CBFA2T2: variants seen among roughly 807,000 people sequenced by gnomAD.
CBFA2T2 encodes protein CBFA2T2.
A neutral mutation model predicts 62.2 loss-of-function variants in CBFA2T2; 11 were observed. The observed-to-expected ratio is 0.18, with a 90% CI of 0.11 to 0.29. CBFA2T2 has a LOEUF of 0.29. CBFA2T2 is among the 10% of genes least tolerant of loss of function. The pLI is 1.00. For missense variants in CBFA2T2, 592 were observed against 774.1 expected (o/e 0.76, Z 2.79); for synonymous variants, 295 against 287.5 (o/e 1.03, Z -0.27).
chr20:33,528,341 A>G (rs528254206), intron 1 of CBFA2T2, among the ~76,000 whole-genome samples: 34 of 152,356 alleles, frequency 2.2e-4, no homozygotes, highest in African/African-American at 6.7e-4. Context: ...ATGAGGACAT[A>G]TGAGTAGAAT....
chr20:33,580,168 T>G (rs1208723334), intron 1 of CBFA2T2, among the ~76,000 whole-genome samples: 1 of 152,104 alleles, frequency 6.6e-6, no homozygotes, highest in Non-Finnish European at 1.5e-5. Flanking sequence ...TTTTAAAAAC[T>G]TTTACAAAAT....
At chr20:33,636,226 T>C in intron 8 of CBFA2T2, among the ~76,000 whole-genome samples, 1 of 131,808 alleles carries the variant, frequency 7.6e-6, no homozygotes, top group African/African-American at 3.0e-5. Flanking sequence ...ACCACTGCAC[T>C]CCAGCCTGGG....
At chr20:33,559,410 G>C (rs2146891121) in intron 1 of CBFA2T2, among the ~76,000 whole-genome samples, 1 of 152,126 alleles carries the variant, frequency 6.6e-6, no homozygotes, top group East Asian at 1.9e-4. Flanking sequence ...CTGACCTGAG[G>C]CGATCTGCCC....
At chr20:33,545,025 T>TAGAATAGAATAGAATA (rs762408143) in intron 1 of CBFA2T2, among the ~76,000 whole-genome samples, 1 of 134,040 alleles carries the variant, frequency 7.5e-6, no homozygotes, top group Non-Finnish European at 1.5e-5. Context: ...CAGAACAGAA[T>TAGAATAGAATAGAATA]GCAAGGTAGA....
At chr20:33,642,120 G>T (rs1025606313) in intron 10 of CBFA2T2, among the ~76,000 whole-genome samples, 1,279 of 31,996 alleles carry the variant, frequency 0.04, 6 homozygotes, top group South Asian at 0.12. Flanking sequence ...TTTTTTTTGT[G>T]TGTGTGTGTG....
chr20:33,521,568 A>T (rs919889824), intron 1 of CBFA2T2, among the ~76,000 whole-genome samples: 1 of 152,194 alleles, frequency 6.6e-6, no homozygotes, highest in Non-Finnish European at 1.5e-5. Flanking sequence ...TACAGCTAAC[A>T]TTGTTCTAAT....
intron 1 of CBFA2T2, among the ~76,000 whole-genome samples, chr20:33,566,234 T>G (rs910372757): frequency 6.6e-6 from 1 of 152,170 alleles, no homozygotes; most frequent in Admixed American, 6.5e-5. Flanking sequence ...ACGAATGTTA[T>G]TTTGAATTGC....
At chr20:33,582,605 G>A (rs1379292865) in intron 1 of CBFA2T2, among the ~76,000 whole-genome samples, 5 of 152,218 alleles carry the variant, frequency 3.3e-5, no homozygotes, top group Admixed American at 3.3e-4. Context: ...AAGATCACTT[G>A]AGGCCAGGAG....
At chr20:33,624,236 T>TAAAAAAAAAA (rs373462820) in intron 5 of CBFA2T2, among the ~76,000 whole-genome samples, 1 of 70,054 alleles carries the variant, frequency 1.4e-5, no homozygotes, top group African/African-American at 4.3e-5. Flanking sequence ...TTTTTAAAAG[T>TAAAAAAAAAA]AAAAAAAAAA....
chr20:33,564,788 C>G (rs1193437411), intron 1 of CBFA2T2, among the ~76,000 whole-genome samples: 1 of 151,924 alleles, frequency 6.6e-6, no homozygotes, highest in Admixed American at 6.6e-5. Context: ...CCATGTTGCC[C>G]AGGCTTGTCT....
At chr20:33,616,806 A>G (rs2015729612) in intron 3 of CBFA2T2, among the ~76,000 whole-genome samples, 1 of 152,056 alleles carries the variant, frequency 6.6e-6, no homozygotes, top group Admixed American at 6.6e-5. Context: ...CTTGAAATCC[A>G]GAGACCAGAT....
intron 1 of CBFA2T2, among the ~76,000 whole-genome samples, chr20:33,599,429 A>C (rs1490715459): frequency 6.6e-6 from 1 of 152,216 alleles, no homozygotes; most frequent in Non-Finnish European, 1.5e-5. Flanking sequence ...CTGAGCTATA[A>C]TAATGATAAA....
At chr20:33,580,399 A>T (rs2014057044) in intron 1 of CBFA2T2, among the ~76,000 whole-genome samples, 1 of 152,242 alleles carries the variant, frequency 6.6e-6, no homozygotes, top group African/African-American at 2.4e-5. Flanking sequence ...GGTGGTGATC[A>T]AGATGAACGT....
chr20:33,630,095 G>T (rs1455270553), intron 8 of CBFA2T2, among the ~76,000 whole-genome samples, 181 bp downstream of exon 8: 1 of 152,060 alleles, frequency 6.6e-6, no homozygotes, highest in Non-Finnish European at 1.5e-5. Flanking sequence ...GGCATGTTTT[G>T]GTGGGTGGCG....
chr20:33,503,250 CTTTCTTTTT>C (rs1440172105), intron 1 of CBFA2T2, among the ~76,000 whole-genome samples: 2 of 54,870 alleles, frequency 3.6e-5, no homozygotes, highest in African/African-American at 1.1e-4. Context: ...TTCTTTCTTT[CTTTCTTTTT>C]TTTTTTTTTT....
intron 1 of CBFA2T2, among the ~76,000 whole-genome samples, chr20:33,544,608 C>T (rs1160067066): frequency 6.6e-6 from 1 of 152,010 alleles, no homozygotes; most frequent in Non-Finnish European, 1.5e-5. Flanking sequence ...AGCGTAGTGG[C>T]GCGATCTCGG....
intron 10 of CBFA2T2, among the ~76,000 whole-genome samples, chr20:33,643,864 T>TAA (rs1261573781): frequency 4.1e-5 from 5 of 120,790 alleles, no homozygotes; most frequent in Non-Finnish European, 8.9e-5. Flanking sequence ...TGTGTGTATA[T>TAA]AATGTATAAT....
intron 1 of CBFA2T2, among the ~76,000 whole-genome samples, 189 bp downstream of exon 1, chr20:33,490,490 C>T (rs2011138443): frequency 6.6e-6 from 1 of 152,168 alleles, no homozygotes. Context: ...CCGTCGCTTC[C>T]TGCGCCGCCC....
intron 1 of CBFA2T2, among the ~76,000 whole-genome samples, chr20:33,513,305 G>A (rs529525099): frequency 6.6e-6 from 1 of 151,742 alleles, no homozygotes; most frequent in East Asian, 1.9e-4. Flanking sequence ...AGGGCATACA[G>A]TCGTGAAGAA....
Sources: allele counts gnomAD v4.1 joint callset (sites outside exome capture counted in the v4.1 genomes callset), GRCh38; gene constraint gnomAD v4.1.1; transcripts MANE v1.5; gene names NCBI Gene and HGNC (gene_info 2026-07-23, HGNC 2026-07-21).